The following CRYBG1 variants were observed in gnomAD, a reference collection of about 807,000 sequenced individuals.
CRYBG1 encodes beta/gamma crystallin domain-containing protein 1.
A neutral mutation model predicts 189.2 loss-of-function variants in CRYBG1; 139 were observed. That is an observed-to-expected ratio of 0.73 (90% CI 0.64 to 0.85). The LOEUF (loss-of-function observed/expected upper bound fraction) is 0.85. Among genes scored for constraint, CRYBG1 ranks in the 40% least tolerant of loss-of-function variants. CRYBG1 has a pLI of 0.00. For synonymous variants in CRYBG1, 1,023 were observed against 1,017.1 expected, an observed-to-expected ratio of 1.01 and a Z score of -0.11; for missense variants, 2,611 against 2,675.8, an observed-to-expected ratio of 0.98 and a Z score of 0.53.
chr6:106,448,416 G>A (rs2114432392), intron 1 of CRYBG1, among the ~76,000 whole-genome samples: 1 of 152,264 alleles, frequency 6.6e-6, no homozygotes, highest in Admixed American at 6.5e-5. Context: ...TCTAGCCACT[G>A]AAAAACTAAG....
At chr6:106,439,354 T>A (rs1484778102) in intron 1 of CRYBG1, among the ~76,000 whole-genome samples, 1 of 152,164 alleles carries the variant, frequency 6.6e-6, no homozygotes, top group Non-Finnish European at 1.5e-5. Flanking sequence ...TTATTCAGTT[T>A]ATAAAAAATA....
At chr6:106,472,467 G>A (rs1407361552) in intron 2 of CRYBG1, among the ~76,000 whole-genome samples, 1 of 151,870 alleles carries the variant, frequency 6.6e-6, no homozygotes, top group African/African-American at 2.4e-5. Context: ...AGATGTGTTT[G>A]TTTATTTTTC....
At chr6:106,427,698 T>C (rs901911344) in intron 1 of CRYBG1, among the ~76,000 whole-genome samples, 1 of 152,200 alleles carries the variant, frequency 6.6e-6, no homozygotes, top group Non-Finnish European at 1.5e-5. Context: ...AAAACATTTT[T>C]TTCCTCAGAG....
At chr6:106,462,100 C>A (rs1228307405) in intron 2 of CRYBG1, among the ~76,000 whole-genome samples, 1 of 152,240 alleles carries the variant, frequency 6.6e-6, no homozygotes, top group East Asian at 1.9e-4. Context: ...TGGCAACTGT[C>A]TATTAAGATA....
At chr6:106,434,717 T>A (rs1771423412) in intron 1 of CRYBG1, among the ~76,000 whole-genome samples, 1 of 152,242 alleles carries the variant, frequency 6.6e-6, no homozygotes, top group African/African-American at 2.4e-5. Flanking sequence ...TGTATTACAA[T>A]TGCTGTGTGG....
At chr6:106,450,623 T>TA (rs756823921) in intron 1 of CRYBG1, among the ~76,000 whole-genome samples, 17 of 152,198 alleles carry the variant, frequency 1.1e-4, no homozygotes, top group Non-Finnish European at 1.6e-4. Context: ...CAGAGATAGG[T>TA]AATTCTGCTT....
At chr6:106,556,112 A>G (rs1352622101) in intron 17 of CRYBG1, among the ~76,000 whole-genome samples, 1 of 152,168 alleles carries the variant, frequency 6.6e-6, no homozygotes, top group African/African-American at 2.4e-5. Flanking sequence ...TCATATGCAT[A>G]TCCCTATGGA....
chr6:106,561,087 A>C (rs985259196), intron 19 of CRYBG1, among the ~76,000 whole-genome samples, 161 bp downstream of exon 19: 1 of 152,224 alleles, frequency 6.6e-6, no homozygotes, highest in Non-Finnish European at 1.5e-5. Flanking sequence ...TTCTGGTGCT[A>C]AGAGGTGTGG....
chr6:106,447,438 A>G (rs745590273), intron 1 of CRYBG1, among the ~76,000 whole-genome samples: 36 of 152,062 alleles, frequency 2.4e-4, no homozygotes, highest in Non-Finnish European at 4.9e-4. Context: ...CTAAAAGAAT[A>G]TAATTGGATT....
rs372785592 is a variant in CRYBG1, at chr6:106,519,453, A to T, written c.2245A>T (p.Ile749Leu). 7 of 1,614,148 alleles carry T rather than the reference A, an allele frequency of 4.3e-6. No individual in the cohort carries two copies. The highest frequency in any genetic ancestry group is 5.9e-6 in the Non-Finnish European group (7 of 1,180,038). ...QNGVLVKETA[I>L]ETKVTVSEEE... ...TGGTGTGCTGGTTAAGGAAACTGCT[A>T]TAGAAACCAAAGTTACCGTCTCGGA... The change falls in exon 4 of 22, where the codon ATA becomes TTA. Residue 749 changes from isoleucine to leucine, a missense_variant. Physicochemically the swap from Ile to Leu is conservative, Grantham distance 5 (BLOSUM62 2). Transcript: ENST00000633556.
chr6:106,425,254 T>G (rs1256439748), intron 1 of CRYBG1, among the ~76,000 whole-genome samples: 1 of 152,118 alleles, frequency 6.6e-6, no homozygotes, highest in Admixed American at 6.5e-5. Flanking sequence ...CCCTCTCTCC[T>G]TCCAGCTCTG....
At chr6:106,542,579 CTAGT>C (rs1774157894) in intron 10 of CRYBG1, among the ~76,000 whole-genome samples, 1 of 147,742 alleles carries the variant, frequency 6.8e-6, no homozygotes, top group South Asian at 2.1e-4. Flanking sequence ...TGTGCCTGGC[CTAGT>C]TAATTTTTTA....
chr6:106,566,020 T>C (rs1293593071), intron 21 of CRYBG1, among the ~76,000 whole-genome samples: 1 of 152,212 alleles, frequency 6.6e-6, no homozygotes, highest in Non-Finnish European at 1.5e-5. Context: ...CCTTCCTGTT[T>C]TTTACAAATG....
In CRYBG1 at chr6:106,511,610, A is replaced by T; in HGVS notation, c.493A>T (p.Ser165Cys). Reference sequence around the variant, plus strand: ...CTCTCCTAAGCTCCCAGAGAGAGAGAGTGAGAGGAGCAGATCTCAGAGCAG... The same window carrying T: ...CTCTCCTAAGCTCCCAGAGAGAGAGTGTGAGAGGAGCAGATCTCAGAGCAG... Reference protein sequence around the residue: ...VASPKLPERESERSRSQSSQL... With the variant: ...VASPKLPERECERSRSQSSQL... Residue 165 changes from serine (S) to cysteine (C), a missense_variant, in exon 3 of 22, where the codon AGT becomes TGT. Physicochemically the swap from Ser to Cys is moderately radical, Grantham distance 112 (BLOSUM62 -1). Coordinates refer to ENST00000633556, the MANE Select transcript of CRYBG1 (RefSeq NM_001371242.2). 1 of 1,535,588 alleles carries T rather than the reference A, an allele frequency of 6.5e-7. No individual in the cohort carries two copies. Among genetic ancestry groups the T allele is most frequent in the Non-Finnish European group, 8.7e-7 (1 of 1,146,572 alleles).
rs1774961780 is a variant in CRYBG1 at position 106,568,532 on chromosome 6, C to T, written c.6362C>T (p.Thr2121Ile). ...AACACTGTCAGCAAAGAGAAGTTTACACAAGTGTGGGAAGCCATGGTCCTA... is the reference window on the plus strand; with the variant it reads ...AACACTGTCAGCAAAGAGAAGTTTATACAAGTGTGGGAAGCCATGGTCCTA... ...ILNTVSKEKF[T>I]QVWEAMVLYT Residue 2121 changes from threonine (T) to isoleucine (I), a missense_variant, in exon 22 of 22, where the codon ACA becomes ATA. By Grantham distance (89) the Thr-to-Ile change is moderately conservative. Around this residue, in one of 3 missense-constraint regions of CRYBG1, gnomAD observed 1,622 missense variants for 1,735.0 expected, o/e 0.93. Transcript: ENST00000633556. The T allele has an allele frequency of 3.7e-6, 6 of 1,613,870 alleles. No individual in the cohort carries two copies. The highest frequency in any genetic ancestry group is 4.5e-5 in the East Asian group (2 of 44,880).
intron 1 of CRYBG1, among the ~76,000 whole-genome samples, chr6:106,432,599 C>A (rs893855302): frequency 4.6e-5 from 7 of 152,120 alleles, no homozygotes; most frequent in Non-Finnish European, 8.8e-5. Flanking sequence ...AAATCTCTAA[C>A]CGAAACATAG....
At chr6:106,433,713 T>C (rs1771383042) in intron 1 of CRYBG1, among the ~76,000 whole-genome samples, 1 of 128,040 alleles carries the variant, frequency 7.8e-6, no homozygotes, top group African/African-American at 3.4e-5. Flanking sequence ...TGCTAGAAAC[T>C]GGGAAATATA....
At chr6:106,365,300 G>A (rs760486066) in intron 1 of CRYBG1, among the ~76,000 whole-genome samples, 43 of 152,096 alleles carry the variant, frequency 2.8e-4, no homozygotes, top group African/African-American at 7.5e-4. Flanking sequence ...GGTGGCGGAC[G>A]CCTGTAATCA....
Position 106,511,906 on chromosome 6 carries a change from C to T in CRYBG1, c.789C>T (p.Ser263=). The change falls in exon 3 of 22, where the codon TCC becomes TCT. Residue 263 remains serine (S), a synonymous_variant. Transcript: ENST00000633556. ...KQLHSSPGNS[S]RQENAETPAR... ...TGCATTCCTCGCCGGGAAATTCCTCCAGGCAAGAGAACGCAGAGACGCCCG... is the reference window on the plus strand; with the variant it reads ...TGCATTCCTCGCCGGGAAATTCCTCTAGGCAAGAGAACGCAGAGACGCCCG... The T allele has an allele frequency of 1.3e-6, 2 of 1,523,700 alleles. No homozygotes were observed. Among genetic ancestry groups the T allele is most frequent in the Non-Finnish European group, 1.8e-6 (2 of 1,139,138 alleles). 94.4% of individuals were successfully genotyped at this position (1,523,700 alleles called of 1,614,324 possible).
Sources: gnomAD v4.1 joint callset for allele counts (sites outside exome capture counted in the v4.1 genomes callset) on GRCh38, gnomAD v4.1.1 for gene constraint, gnomAD v4.1.1 regional missense constraint, MANE v1.5 for transcripts, NCBI Gene and HGNC (gene_info 2026-07-23, HGNC 2026-07-21) for gene names.